Variants in OCA2 observed in about 807,000 individuals in gnomAD.
OCA2 encodes P protein.
In OCA2, 77 loss-of-function variants were observed where a neutral mutation model predicts 100.2. That is an observed-to-expected ratio of 0.77 (90% confidence interval 0.64 to 0.93). OCA2 has a LOEUF of 0.93. OCA2 is among the 40% of genes least tolerant of loss of function. The probability of loss-of-function intolerance (pLI) is 0.00; values close to 1 mark genes in which losing one functional copy is unlikely to be tolerated. For synonymous variants in OCA2, 432 were observed against 439.2 expected (o/e 0.98, Z 0.21); for missense variants, 1,062 against 1,089.1 (o/e 0.98, Z 0.35).
At chr15:27,913,664 A>T in intron 19 of OCA2, among the ~76,000 whole-genome samples, 1 of 151,596 alleles carries the variant, frequency 6.6e-6, no homozygotes. Flanking sequence ...AAATCTTCAC[A>T]TACTGTATTT....
chr15:27,793,601 G>GCCT (rs2033185640), intron 23 of OCA2, among the ~76,000 whole-genome samples: 1 of 152,158 alleles, frequency 6.6e-6, no homozygotes, highest in Non-Finnish European at 1.5e-5. Context: ...AGCTGAAATT[G>GCCT]CCTCCGGCAC....
chr15:28,072,354 C>A (rs779496349), intron 2 of OCA2, among the ~76,000 whole-genome samples: 12 of 152,110 alleles, frequency 7.9e-5, no homozygotes, highest in Non-Finnish European at 1.8e-4. Flanking sequence ...CTTTGGGGGG[C>A]CGAGGCGGGA....
downstream of OCA2, among the ~76,000 whole-genome samples, chr15:27,751,915 C>A (rs1290059930): frequency 1.3e-5 from 2 of 152,238 alleles, no homozygotes; most frequent in Non-Finnish European, 2.9e-5. Context: ...GGCTGTGCGT[C>A]ACAAGCCAAG....
intron 21 of OCA2, among the ~76,000 whole-genome samples, chr15:27,858,365 C>A (rs1260586015): frequency 6.8e-6 from 1 of 146,046 alleles, no homozygotes; most frequent in Non-Finnish European, 1.5e-5. Flanking sequence ...TAGAGTGAAA[C>A]TCTGCCTCCA....
intron 2 of OCA2, among the ~76,000 whole-genome samples, chr15:28,052,421 G>A (rs1205830676): frequency 2.6e-5 from 4 of 152,114 alleles, no homozygotes; most frequent in African/African-American, 7.2e-5. Flanking sequence ...AAATAATCAC[G>A]CCTTCTGCTG....
chr15:28,049,493 G>C (rs2043444000), intron 2 of OCA2, among the ~76,000 whole-genome samples: 1 of 152,138 alleles, frequency 6.6e-6, no homozygotes, highest in Non-Finnish European at 1.5e-5. Flanking sequence ...ATAATGGAAA[G>C]CAGGGACTCA....
chr15:27,826,411 C>T (rs1469315862), intron 23 of OCA2, among the ~76,000 whole-genome samples: 10 of 152,116 alleles, frequency 6.6e-5, no homozygotes, highest in Admixed American at 5.9e-4. Context: ...AAGCTTCAAG[C>T]GCAGAGGCAC....
intron 1 of OCA2, among the ~76,000 whole-genome samples, chr15:28,097,741 G>A (rs763703983): frequency 1.3e-5 from 2 of 152,018 alleles, no homozygotes; most frequent in African/African-American, 2.4e-5. Flanking sequence ...TTTCCCAGGG[G>A]CCCACTGATC....
chr15:28,040,793 A>T (rs2141459382), intron 2 of OCA2, among the ~76,000 whole-genome samples: 1 of 152,322 alleles, frequency 6.6e-6, no homozygotes, highest in East Asian at 1.9e-4. Context: ...ATGGAGAAAT[A>T]AAAAAATCTG....
chr15:27,799,211 A>T (rs374238492), intron 23 of OCA2, among the ~76,000 whole-genome samples: 1 of 152,170 alleles, frequency 6.6e-6, no homozygotes, highest in African/African-American at 2.4e-5. Context: ...GACATTATCC[A>T]CTCATTCACT....
chr15:27,803,142 C>T (rs1041543817), intron 23 of OCA2, among the ~76,000 whole-genome samples: 1 of 152,020 alleles, frequency 6.6e-6, no homozygotes, highest in Non-Finnish European at 1.5e-5. Flanking sequence ...AAAATATGCA[C>T]ATAAAAAGAT....
chr15:27,915,495 G>T (rs2038633135), intron 19 of OCA2, among the ~76,000 whole-genome samples: 1 of 151,964 alleles, frequency 6.6e-6, no homozygotes, highest in Non-Finnish European at 1.5e-5. Context: ...ATCTATAAGA[G>T]ACTTAAACAA....
chr15:27,920,607 A>G (rs987649952), intron 19 of OCA2, among the ~76,000 whole-genome samples: 10 of 152,150 alleles, frequency 6.6e-5, no homozygotes, highest in Non-Finnish European at 2.9e-5. Context: ...AAAGACTTCA[A>G]AGCAGAATTT....
chr15:27,888,271 G>A (rs1265606057), intron 19 of OCA2, among the ~76,000 whole-genome samples: 4 of 152,194 alleles, frequency 2.6e-5, no homozygotes, highest in African/African-American at 9.7e-5. Flanking sequence ...TGAACAACAG[G>A]CTATGTAAAT....
intron 14 of OCA2, among the ~76,000 whole-genome samples, chr15:27,978,690 A>G (rs12915936): frequency 0.51 from 76,243 of 150,066 alleles, 23,692 homozygotes; most frequent in Non-Finnish European, 0.71. Flanking sequence ...AGAGAGAGAC[A>G]TTTTTTTTTT....
chr15:27,733,070 T>C, the OCA2 span, among the ~76,000 whole-genome samples: 1 of 152,206 alleles, frequency 6.6e-6, no homozygotes, highest in Non-Finnish European at 1.5e-5. Context: ...AGCACTCGTC[T>C]CTCATGAAAG....
intron 23 of OCA2, among the ~76,000 whole-genome samples, chr15:27,808,213 G>A (rs2033935252): frequency 6.6e-6 from 1 of 152,238 alleles, no homozygotes; most frequent in South Asian, 2.1e-4. Context: ...ACATTTGTGG[G>A]AGGAAGTGGA....
rs183743105 is a variant in OCA2, at chr15:27,845,020, C to T, written c.2371G>A (p.Val791Ile). The change falls in exon 23 of 24, where the codon GTC becomes ATC. Residue 791 changes from valine to isoleucine, a missense_variant. Transcript: ENST00000354638. ...TGTTCTGCAATCCCTGCACACACGA[C>T]GTTTGCCGACGCGCCAATCAGTGTC... ...NGTLIGASANVVCAGIAEQHG... is the reference protein window; with the variant it reads ...NGTLIGASANIVCAGIAEQHG... 10 of 1,613,960 alleles carry T rather than the reference C, an allele frequency of 6.2e-6. No individual in the cohort carries two copies. The highest frequency in any genetic ancestry group is 1.3e-5 in the African/African-American group (1 of 74,984).
chr15:27,824,602 C>CTCTCTCTCTCTCTCTCTCTATA lies in OCA2; in HGVS notation c.2432+20356_2432+20357insTATAGAGAGAGAGAGAGAGAGA. 1.0e-3 allele frequency among the ~76,000 whole-genome samples: 48 copies of CTCTCTCTCTCTCTCTCTCTATA among 47,596 alleles called. 2 individuals carry two copies. Among genetic ancestry groups the CTCTCTCTCTCTCTCTCTCTATA allele is most frequent in the Admixed American group, 1.8e-3 (6 of 3,394 alleles). 31.2% of individuals were successfully genotyped at this position (47,596 alleles called of 152,430 possible). The stretch of plus-strand genomic sequence containing the variant: ...TTTCTCTCTCTCTCTCTCTCTCTCT[C>CTCTCTCTCTCTCTCTCTCTATA]TATATATATATATATATATAATATA... On this transcript the variant is annotated intron_variant, in intron 23 of 23. Transcript: ENST00000354638.
Sources: allele counts gnomAD v4.1 joint callset (sites outside exome capture counted in the v4.1 genomes callset), GRCh38; gene constraint gnomAD v4.1.1; transcripts MANE v1.5; gene names NCBI Gene and HGNC (gene_info 2026-07-23, HGNC 2026-07-21).